Variants in YTHDF2 observed in about 807,000 individuals in gnomAD.
YTHDF2 encodes the protein YTH N6-methyladenosine RNA binding protein F2.
Under a neutral mutation model 50.4 loss-of-function variants are expected in YTHDF2, and 2 were observed. That is an observed-to-expected ratio of 0.04 (90% CI 0.02 to 0.12). The LOEUF is 0.12. YTHDF2 is among the 10% of genes least tolerant of loss of function. The pLI is 1.00. For synonymous variants in YTHDF2, 217 were observed against 255.6 expected (o/e 0.85, Z 1.44); for missense variants, 483 against 722.6 (o/e 0.67, Z 3.80).
intron 4 of YTHDF2, among the ~76,000 whole-genome samples, chr1:28,751,447 CATG>C (rs961779350): frequency 6.6e-6 from 1 of 152,138 alleles, no homozygotes; most frequent in Non-Finnish European, 1.5e-5. Flanking sequence ...GGATGACAAA[CATG>C]AGCATTTTTT....
chr1:28,742,047 CTT>C (rs67430325), intron 3 of YTHDF2, among the ~76,000 whole-genome samples: 4 of 143,372 alleles, frequency 2.8e-5, no homozygotes, highest in African/African-American at 5.2e-5. Context: ...GTGCTGCACA[CTT>C]TTTTTTTTTT....
At chr1:28,750,156 A>G (rs928529055) in intron 4 of YTHDF2, among the ~76,000 whole-genome samples, 5 of 151,290 alleles carry the variant, frequency 3.3e-5, no homozygotes, top group Non-Finnish European at 7.4e-5. Flanking sequence ...ATGCCCGGCT[A>G]ATTTTTGTAT....
Position 28,737,103 on chromosome 1 carries a change from C to T in YTHDF2, c.-18C>T. 1 of 1,595,230 alleles carries T rather than the reference C, an allele frequency of 6.3e-7. No homozygotes were observed. ...AGGAGAGTTCGCCGCCGTCGCCGCC[C>T]GTGAGGATCTGAGAGCCATGTCGGC... is the stretch of plus-strand genomic sequence containing the variant. On this transcript the variant is annotated 5_prime_UTR_variant, in exon 1 of 5. Coordinates refer to ENST00000373812, the MANE Select transcript of YTHDF2 (RefSeq NM_016258.3).
chr1:28,757,071 G>C (rs756962491), intron 4 of YTHDF2, among the ~76,000 whole-genome samples: 16 of 152,162 alleles, frequency 1.1e-4, no homozygotes, highest in Non-Finnish European at 1.9e-4. Context: ...TCTAGTTCCA[G>C]TGGGCCCAAT....
chr1:28,737,254 C>A, intron 1 of YTHDF2, 107 bp downstream of exon 1: 1 of 1,411,438 alleles, frequency 7.1e-7, no homozygotes, highest in South Asian at 1.4e-5. Flanking sequence ...GAGGCGTCGT[C>A]TCTTGCGGGC....
chr1:28,750,953 C>T (rs1290968726), intron 4 of YTHDF2, among the ~76,000 whole-genome samples: 4 of 151,588 alleles, frequency 2.6e-5, no homozygotes, highest in African/African-American at 9.7e-5. Flanking sequence ...ATTAGCCAGG[C>T]GTGGTGGCTC....
chr1:28,747,705 A>C (rs1030482605), intron 4 of YTHDF2, among the ~76,000 whole-genome samples: 1 of 145,418 alleles, frequency 6.9e-6, no homozygotes, highest in East Asian at 2.5e-4. Flanking sequence ...GGCGTGAGCC[A>C]CCACGCCCAG....
Position 28,760,314 on chromosome 1 carries a change from T to TGA in YTHDF2, c.1717-8614_1717-8613dup, listed in dbSNP as rs1553145765. On this transcript the variant is annotated intron_variant, in intron 4 of 4. Transcript: ENST00000373812. ...GTGTGTGTGTGTGTGTGTGTGTGTG[T>TGA]GACGGAGTCTTGCTGTGTCGCCCAG... Among the ~76,000 whole-genome samples, 24 of 145,246 alleles carry TGA rather than the reference T, an allele frequency of 1.7e-4. No homozygotes were observed. The South Asian group carries it at 2.0e-3, about 12-fold the overall frequency.
intron 4 of YTHDF2, among the ~76,000 whole-genome samples, chr1:28,758,023 A>G (rs937413042): frequency 6.6e-6 from 1 of 152,176 alleles, no homozygotes; most frequent in African/African-American, 2.4e-5. Context: ...AGGAAAAACT[A>G]GATCACTACC....
intron 4 of YTHDF2, among the ~76,000 whole-genome samples, chr1:28,751,661 A>G (rs2087954642): frequency 6.6e-6 from 1 of 152,208 alleles, no homozygotes; most frequent in Admixed American, 6.5e-5. Context: ...TCTCTGAACC[A>G]TGCCCCTTGT....
chr1:28,738,867 G>T (rs1158356784), intron 3 of YTHDF2, among the ~76,000 whole-genome samples: 1 of 152,150 alleles, frequency 6.6e-6, no homozygotes. Flanking sequence ...GTCCTAGGCC[G>T]TTGAGATTCC....
Position 28,743,172 on chromosome 1 carries a change from A to G in YTHDF2, c.902A>G (p.Gln301Arg), listed in dbSNP as rs771548841. 15 of 1,614,130 alleles carry G rather than the reference A, an allele frequency of 9.3e-6. No individual in the cohort carries two copies. The highest frequency in any genetic ancestry group is 1.2e-5 in the Non-Finnish European group (14 of 1,180,022). ...ALVQNIGQPT[Q>R]GSPQPVGQQA... ...GTTCAGAATATAGGTCAGCCAACCC[A>G]GGGGTCTCCTCAGCCTGTAGGTCAG... The change falls in exon 4 of 5, where the codon CAG becomes CGG. Residue 301 changes from glutamine to arginine, a missense_variant. Coordinates refer to ENST00000373812, the MANE Select transcript of YTHDF2 (RefSeq NM_016258.3). This position sits in a 1 kb window ranked among gnomAD's most constrained non-coding sequence, Gnocchi z 6.9.
At position 28,740,963 on chromosome 1, in the gene YTHDF2, C is replaced by G. The variant is rs577613742; in HGVS notation, c.133-1440C>G. ...TCGTGATCCTCCCACCTTGGCCTCC[C>G]AAATTGCTGGGATTACAGGTGTGAG... On this transcript the variant is annotated intron_variant, in intron 3 of 4. Coordinates refer to ENST00000373812, the MANE Select transcript of YTHDF2 (RefSeq NM_016258.3). 2.6e-3 allele frequency among the ~76,000 whole-genome samples: 399 copies of G among 151,882 alleles called. 1 individual carries two copies. Among genetic ancestry groups the G allele is most frequent in the Non-Finnish European group, 5.0e-3 (343 of 67,964 alleles).
At chr1:28,752,769 A>G (rs1221366542) in intron 4 of YTHDF2, among the ~76,000 whole-genome samples, 1 of 150,984 alleles carries the variant, frequency 6.6e-6, no homozygotes, top group Admixed American at 6.6e-5. Flanking sequence ...TTTGTCCTGC[A>G]CAGTGGCTCA....
intron 4 of YTHDF2, among the ~76,000 whole-genome samples, chr1:28,763,785 G>A (rs1354453446): frequency 6.7e-6 from 1 of 149,680 alleles, no homozygotes; most frequent in Admixed American, 6.6e-5. Flanking sequence ...TTATGGGCGT[G>A]AGCCACTGAG....
Position 28,743,008 on chromosome 1 carries a change from T to C in YTHDF2, c.738T>C (p.Pro246=). The C allele has an allele frequency of 6.2e-7, 1 of 1,614,180 alleles. No homozygotes were observed. The highest frequency in any genetic ancestry group is 8.5e-7 in the Non-Finnish European group (1 of 1,180,036). ...PASWADIASK[P]AKQQPKLKTK... ...CTTGGGCTGATATTGCTAGCAAGCC[T>C]GCAAAACAGCAACCTAAACTGAAGA... The change falls in exon 4 of 5, where the codon CCT becomes CCC. Residue 246 remains proline, a synonymous_variant. Transcript: ENST00000373812. The surrounding 1 kb of genome is among the most constrained non-coding windows in gnomAD (Gnocchi z 6.9).
rs2087935792 is a variant in YTHDF2 at position 28,750,570 on chromosome 1, T to C, written c.1716+6584T>C. Among the ~76,000 whole-genome samples the C allele has an allele frequency of 2.0e-5, 3 of 152,314 alleles. No individual in the cohort carries two copies. In the South Asian group the frequency reaches 6.2e-4, roughly 32 times the overall value. On this transcript the variant is annotated intron_variant, in intron 4 of 4. Coordinates refer to ENST00000373812, the MANE Select transcript of YTHDF2 (RefSeq NM_016258.3). Reference sequence around the variant, plus strand: ...GGTTTGTGAAGATGAATTTGTCCTTTGAAACAGATCTTTTTAGAAAGGTTG... The same window carrying C: ...GGTTTGTGAAGATGAATTTGTCCTTCGAAACAGATCTTTTTAGAAAGGTTG...
intron 4 of YTHDF2, among the ~76,000 whole-genome samples, chr1:28,750,379 A>G (rs550054055): frequency 1.3e-4 from 20 of 152,332 alleles, no homozygotes; most frequent in Admixed American, 4.6e-4. Flanking sequence ...TTGTAGATGG[A>G]AAACTTGCTA....
At chr1:28,737,963 C>G (rs1302306484) in intron 2 of YTHDF2, 4 of 572,848 alleles carry the variant, frequency 7.0e-6, no homozygotes, top group Non-Finnish European at 9.3e-6. Flanking sequence ...GTTTTTCATC[C>G]TCGTGGATCA....
Sources: allele counts gnomAD v4.1 joint callset (sites outside exome capture counted in the v4.1 genomes callset), GRCh38; gene constraint gnomAD v4.1.1; non-coding constraint Gnocchi (gnomAD v3.1); transcripts MANE v1.5; gene names NCBI Gene and HGNC (gene_info 2026-07-23, HGNC 2026-07-21).